Variants in ANKS1A observed in about 807,000 individuals in gnomAD.
The protein encoded by ANKS1A is ankyrin repeat and SAM domain-containing protein 1A.
ANKS1A carries 55 observed loss-of-function variants against 120.3 expected under a neutral mutation model. The ratio of observed to expected loss-of-function variants is 0.46; its 90% confidence interval spans 0.37 to 0.57. The LOEUF (loss-of-function observed/expected upper bound fraction) is 0.57. Among genes scored for constraint, ANKS1A ranks in the 20% least tolerant of loss-of-function variants. The probability of loss-of-function intolerance (pLI) is 0.00; values close to 1 mark genes in which losing one functional copy is unlikely to be tolerated. For missense variants in ANKS1A, 1,123 were observed against 1,480.3 expected, an observed-to-expected ratio of 0.76 and a Z score of 3.96; for synonymous variants, 590 against 604.7, an observed-to-expected ratio of 0.98 and a Z score of 0.36.
intron 11 of ANKS1A, among the ~76,000 whole-genome samples, chr6:35,028,731 A>AT (rs1270315173): frequency 1.1e-4 from 17 of 152,166 alleles, no homozygotes. Context: ...TGTAATAGTA[A>AT]TTTTTTGAAA....
intron 10 of ANKS1A, among the ~76,000 whole-genome samples, chr6:35,011,119 A>T (rs1773737803): frequency 1.3e-5 from 2 of 152,238 alleles, no homozygotes; most frequent in East Asian, 3.8e-4. Context: ...TATTAAAAAG[A>T]AAATGCTTGG....
intron 3 of ANKS1A, among the ~76,000 whole-genome samples, chr6:34,972,216 G>A (rs1379041000): frequency 4.6e-5 from 7 of 152,082 alleles, no homozygotes; most frequent in African/African-American, 1.7e-4. Flanking sequence ...GCTGCCTCCT[G>A]CTTGGAGTAT....
At chr6:34,896,023 G>A (rs1467306437) in intron 1 of ANKS1A, among the ~76,000 whole-genome samples, 4 of 150,318 alleles carry the variant, frequency 2.7e-5, no homozygotes, top group South Asian at 4.2e-4. Context: ...TCAGCCTCCG[G>A]AAGTGCTAGG....
intron 2 of ANKS1A, among the ~76,000 whole-genome samples, chr6:34,969,065 G>A (rs1771046145): frequency 6.6e-6 from 1 of 152,102 alleles, no homozygotes; most frequent in Admixed American, 6.5e-5. Context: ...TAGTTTGTTA[G>A]CCAAGTTCAT....
chr6:35,064,981 T>G (rs1056866249), intron 13 of ANKS1A, among the ~76,000 whole-genome samples: 1 of 152,236 alleles, frequency 6.6e-6, no homozygotes, highest in Non-Finnish European at 1.5e-5. Flanking sequence ...TGTAGTCACT[T>G]AAGAATGTAA....
At chr6:35,046,620 T>C (rs916074220) in intron 11 of ANKS1A, among the ~76,000 whole-genome samples, 11 of 152,230 alleles carry the variant, frequency 7.2e-5, no homozygotes, top group Non-Finnish European at 1.6e-4. Flanking sequence ...TCTATCCATC[T>C]GTCTACCCCT....
At position 35,078,119 on chromosome 6, in the gene ANKS1A, G is replaced by A. The variant is rs554026700; in HGVS notation, c.2185-439G>A. 1.9e-3 allele frequency among the ~76,000 whole-genome samples: 282 copies of A among 152,262 alleles called. 2 individuals carry two copies. Among genetic ancestry groups the A allele is most frequent in the Middle Eastern group, 3.4e-3 (1 of 294 alleles). ...CTCCTTGGGGTGAGGCTGGGTCCTC[G>A]GGTACCCAAGTCTGTCACCAGCCAC... is the stretch of plus-strand genomic sequence containing the variant. On this transcript the variant is annotated intron_variant, in intron 13 of 23. Coordinates refer to ENST00000360359, the MANE Select transcript of ANKS1A (RefSeq NM_015245.3).
Position 35,089,869 on chromosome 6 carries a change from G to A in ANKS1A, c.*1260G>A. ...GTTCCTCCTGTGGGCACTTTAGCAG[G>A]CTCCGAGCTTTCCTGGCATAGGTCA... On this transcript the variant is annotated 3_prime_UTR_variant, in exon 24 of 24. Coordinates refer to ENST00000360359, the MANE Select transcript of ANKS1A (RefSeq NM_015245.3). 9.1e-7 allele frequency: 1 copy of A among 1,099,512 alleles called. No homozygotes were observed. The highest frequency in any genetic ancestry group is 1.1e-6 in the Non-Finnish European group (1 of 896,226). 68.1% of individuals were successfully genotyped at this position (1,099,512 alleles called of 1,614,324 possible). A position where few individuals can be genotyped will look rare whatever the true frequency, so the allele number is the denominator to read the frequency against.
In ANKS1A at chr6:35,084,314, C is replaced by T. The variant is rs1291081811; in HGVS notation, c.3132+56C>T. The T allele has an allele frequency of 6.3e-7, 1 of 1,597,936 alleles. No individual in the cohort carries two copies. Among genetic ancestry groups the T allele is most frequent in the Non-Finnish European group, 8.5e-7 (1 of 1,173,138 alleles). On this transcript the variant is annotated intron_variant, in intron 21 of 23. Coordinates refer to ENST00000360359, the MANE Select transcript of ANKS1A (RefSeq NM_015245.3). This position sits in a 1 kb window ranked among gnomAD's most constrained non-coding sequence, Gnocchi z 4.8. Reference sequence around the variant, plus strand: ...GGCTTGGGTTGCAGCCCTGAGGCGTCCAGCCCCATTGCAGGGCACAGATGC... The same window carrying T: ...GGCTTGGGTTGCAGCCCTGAGGCGTTCAGCCCCATTGCAGGGCACAGATGC...
Position 35,050,232 on chromosome 6 carries a change from T to G in ANKS1A, c.2011-3867T>G, listed in dbSNP as rs752364336. Among the ~76,000 whole-genome samples the G allele has an allele frequency of 6.6e-6, 1 of 152,254 alleles. No homozygotes were observed. Among genetic ancestry groups the G allele is most frequent in the Non-Finnish European group, 1.5e-5 (1 of 68,046 alleles). On this transcript the variant is annotated intron_variant, in intron 11 of 23. Coordinates refer to ENST00000360359, the MANE Select transcript of ANKS1A (RefSeq NM_015245.3). The surrounding 1 kb of genome is among the most constrained non-coding windows in gnomAD (Gnocchi z 4.3). ...CTAAACAGAGTCGTCCTGAAAACTT[T>G]TTGAAAATGGAGTATTTCCAAGCAT...
downstream of ANKS1A, among the ~76,000 whole-genome samples, chr6:35,092,269 G>A (rs1037060011): frequency 2.6e-5 from 4 of 152,140 alleles, no homozygotes; most frequent in Non-Finnish European, 5.9e-5. Context: ...TTTTATTCCT[G>A]AGTTTCTGTG....
chr6:34,918,787 CT>C (rs1768294482), intron 1 of ANKS1A, among the ~76,000 whole-genome samples: 1 of 152,096 alleles, frequency 6.6e-6, no homozygotes, highest in African/African-American at 2.4e-5. Context: ...CACCATGTAA[CT>C]ATAGCATATT....
rs976878924 is a variant in ANKS1A, at chr6:35,085,593, GAAC to G, written c.3133-168_3133-166del. On this transcript the variant is annotated intron_variant, in intron 21 of 23. Coordinates refer to ENST00000360359, the MANE Select transcript of ANKS1A (RefSeq NM_015245.3). The surrounding 1 kb of genome is among the most constrained non-coding windows in gnomAD (Gnocchi z 4.7). ...GGCCACATCCTGTGTAGAGCGGGAA[GAAC>G]AACAGAGACCTAGGAAGAGTAAAGG... is the stretch of plus-strand genomic sequence containing the variant. Among the ~76,000 whole-genome samples the G allele has an allele frequency of 1.4e-5, 2 of 139,434 alleles. No individual in the cohort carries two copies. Among genetic ancestry groups the G allele is most frequent in the African/African-American group, 4.9e-5 (2 of 41,130 alleles). 91.5% of individuals were successfully genotyped at this position (139,434 alleles called of 152,430 possible). A position where few individuals can be genotyped will look rare whatever the true frequency, so the allele number is the denominator to read the frequency against.
At chr6:34,981,342 C>T (rs1042325468) in intron 3 of ANKS1A, among the ~76,000 whole-genome samples, 2 of 152,304 alleles carry the variant, frequency 1.3e-5, no homozygotes, top group East Asian at 1.9e-4. Flanking sequence ...GAAATAATAG[C>T]AGTGATATTA....
At position 35,090,507 on chromosome 6, in the gene ANKS1A, A is replaced by G. The variant is rs373367498; in HGVS notation, c.*1898A>G. 1.3e-3 allele frequency: 1,403 copies of G among 1,067,220 alleles called. 9 individuals are homozygous for G. In the South Asian group the frequency reaches 0.016, roughly 12 times the overall value. 66.1% of individuals were successfully genotyped at this position (1,067,220 alleles called of 1,614,324 possible). On this transcript the variant is annotated 3_prime_UTR_variant, in exon 24 of 24. Coordinates refer to ENST00000360359, the MANE Select transcript of ANKS1A (RefSeq NM_015245.3). ...GGTGTTTCTTCTGCTTGAAGCTGCT[A>G]TATCATCTTTATTTATTCAGGGTAT... is the stretch of plus-strand genomic sequence containing the variant.
Position 34,889,564 on chromosome 6 carries a change from C to A in ANKS1A, c.162C>A (p.Leu54=). ...GCAGCGGCGGCGGCGGCGGCGGCCT[C>A]GGCTCTTCCAGCCACCCCCTCTCCA... is the stretch of plus-strand genomic sequence containing the variant. ...GGGSGGGGGG[L]GSSSHPLSSL... is the part of the protein sequence containing the mutation. The change falls in exon 1 of 24, where the codon CTC becomes CTA. Residue 54 remains leucine (L), a synonymous_variant. Coordinates refer to ENST00000360359, the MANE Select transcript of ANKS1A (RefSeq NM_015245.3). The surrounding 1 kb of genome is among the most constrained non-coding windows in gnomAD (Gnocchi z 5.5). 7.8e-7 allele frequency: 1 copy of A among 1,279,978 alleles called. No homozygotes were observed. The allele number at this position is 1,279,978 out of a possible 1,614,324, so 79.3% of individuals were successfully genotyped here.
At chr6:35,055,416 G>A (rs973357649) in intron 12 of ANKS1A, among the ~76,000 whole-genome samples, 1 of 151,630 alleles carries the variant, frequency 6.6e-6, no homozygotes, top group Non-Finnish European at 1.5e-5. Context: ...TGTAACCTCC[G>A]CCTCCTGGGT....
downstream of ANKS1A, among the ~76,000 whole-genome samples, chr6:35,091,648 C>G (rs1778309454): frequency 6.6e-6 from 1 of 152,244 alleles, no homozygotes; most frequent in South Asian, 2.1e-4. Flanking sequence ...GAACATCGTT[C>G]TGTGAACACC....
chr6:35,031,662 C>T lies in ANKS1A; in HGVS notation c.2010+13603C>T, dbSNP rs192245779. Among the ~76,000 whole-genome samples, 10 of 152,272 alleles carry T rather than the reference C, an allele frequency of 6.6e-5. No homozygotes were observed. In the East Asian group the frequency reaches 1.7e-3, roughly 26 times the overall value. On this transcript the variant is annotated intron_variant, in intron 11 of 23. Coordinates refer to ENST00000360359, the MANE Select transcript of ANKS1A (RefSeq NM_015245.3). ...TATCTCCCTGCTTGCCTTTGGGCTTCTCTAGCTCATCTTACTTGTGGCTGC... is the reference window on the plus strand; with the variant it reads ...TATCTCCCTGCTTGCCTTTGGGCTTTTCTAGCTCATCTTACTTGTGGCTGC...
Sources: allele counts gnomAD v4.1 joint callset (sites outside exome capture counted in the v4.1 genomes callset), GRCh38; gene constraint gnomAD v4.1.1; non-coding constraint Gnocchi (gnomAD v3.1); transcripts MANE v1.5; gene names NCBI Gene and HGNC (gene_info 2026-07-23, HGNC 2026-07-21).